Variants in SDHAF4 observed in about 807,000 individuals in gnomAD.
SDHAF4 encodes the protein succinate dehydrogenase complex assembly factor 4, also known as succinate dehydrogenase assembly factor 4, mitochondrial.
A neutral mutation model predicts 14.3 loss-of-function variants in SDHAF4; 14 were observed. The ratio of observed to expected loss-of-function variants is 0.98; its 90% CI spans 0.65 to 1.53. SDHAF4 has a LOEUF of 1.53. Among genes scored for constraint, SDHAF4 ranks in the 40% most tolerant of loss-of-function variants. The pLI, the probability that SDHAF4 is intolerant of heterozygous loss-of-function variation, is 0.00. For missense variants in SDHAF4, 141 were observed against 129.3 expected, an observed-to-expected ratio of 1.09 and a Z score of -0.44; for synonymous variants, 63 against 47.3, an observed-to-expected ratio of 1.33 and a Z score of -1.36.
the SDHAF4 span, chr6:70,596,680 T>C: frequency 2.0e-5 from 3 of 152,220 alleles, no homozygotes; most frequent in Non-Finnish European, 4.4e-5. Context: ...ATGTTGATCT[T>C]TTATGTACAA....
At chr6:70,575,901 G>C (rs1318855726) in intron 1 of SDHAF4, among the ~76,000 whole-genome samples, 2 of 151,874 alleles carry the variant, frequency 1.3e-5, no homozygotes, top group Non-Finnish European at 2.9e-5. Context: ...GTTAAAAGAG[G>C]CTTTTGTTTT....
intron 2 of SDHAF4, among the ~76,000 whole-genome samples, chr6:70,587,166 C>T (rs1476345646): frequency 1.3e-5 from 1 of 74,972 alleles, no homozygotes; most frequent in South Asian, 3.2e-4. Context: ...AGTGAAACTC[C>T]ATCACACACA....
At chr6:70,573,086 C>A (rs1305789171) in intron 1 of SDHAF4, among the ~76,000 whole-genome samples, 4 of 151,984 alleles carry the variant, frequency 2.6e-5, no homozygotes, top group Non-Finnish European at 4.4e-5. Context: ...GCCATACTCC[C>A]GCCTCAGCCT....
chr6:70,575,902 CTTTTG>C (rs1342342848), intron 1 of SDHAF4, among the ~76,000 whole-genome samples: 1 of 151,836 alleles, frequency 6.6e-6, no homozygotes, highest in Non-Finnish European at 1.5e-5. Context: ...TTAAAAGAGG[CTTTTG>C]TTTTAAGTTT....
intron 1 of SDHAF4, among the ~76,000 whole-genome samples, chr6:70,577,209 CT>C (rs1379141018): frequency 6.6e-6 from 1 of 152,152 alleles, no homozygotes; most frequent in Non-Finnish European, 1.5e-5. Flanking sequence ...TTAAGGTCAT[CT>C]GATTAGCCAC....
chr6:70,568,142 T>TAAA (rs1464901778), intron 1 of SDHAF4, among the ~76,000 whole-genome samples: 5 of 152,212 alleles, frequency 3.3e-5, no homozygotes, highest in Admixed American at 2.0e-4. Context: ...GTATAAGTTT[T>TAAA]AAATAGTCCA....
chr6:70,592,306 G>C (rs544602829), downstream of SDHAF4, among the ~76,000 whole-genome samples: 9 of 152,324 alleles, frequency 5.9e-5, no homozygotes, highest in African/African-American at 2.2e-4. Context: ...GAGTTTGGAG[G>C]AGCAGGGTGG....
At chr6:70,575,434 C>T (rs1403756778) in intron 1 of SDHAF4, among the ~76,000 whole-genome samples, 1 of 143,022 alleles carries the variant, frequency 7.0e-6, no homozygotes, top group Non-Finnish European at 1.5e-5. Context: ...ACTGAAAATA[C>T]AAAAACTTAG....
At chr6:70,596,795 T>TA in the SDHAF4 span, 1 of 152,194 alleles carries the variant, frequency 6.6e-6, no homozygotes, top group Admixed American at 6.5e-5. Context: ...ATATATATAT[T>TA]ACCTATTATT....
intron 2 of SDHAF4, among the ~76,000 whole-genome samples, chr6:70,582,827 G>T (rs2691497): frequency 0.11 from 16,540 of 152,112 alleles, 3,018 homozygotes; most frequent in African/African-American, 0.37. Context: ...CTGCTTCCTC[G>T]TTTCCTTCCT....
At chr6:70,573,016 C>T (rs190366145) in intron 1 of SDHAF4, among the ~76,000 whole-genome samples, 166 of 152,124 alleles carry the variant, frequency 1.1e-3, no homozygotes, top group African/African-American at 3.9e-3. Flanking sequence ...TGTCCTGTCA[C>T]CAGGATAGAG....
chr6:70,595,431 A>G, the SDHAF4 span, among the ~76,000 whole-genome samples: 1 of 152,210 alleles, frequency 6.6e-6, no homozygotes. Context: ...TTTGGTCCTT[A>G]TATCAGTTTT....
chr6:70,597,903 A>G, the SDHAF4 span, among the ~76,000 whole-genome samples: 44 of 152,194 alleles, frequency 2.9e-4, no homozygotes, highest in Non-Finnish European at 6.0e-4. Flanking sequence ...GGTGGCCACA[A>G]CCTCTGGAAC....
At chr6:70,581,758 C>T (rs960600151) in intron 2 of SDHAF4, among the ~76,000 whole-genome samples, 1 of 152,152 alleles carries the variant, frequency 6.6e-6, no homozygotes, top group Non-Finnish European at 1.5e-5. Context: ...CAGGCACATA[C>T]CACCATGCTC....
At chr6:70,590,502 A>G (rs1376249067), downstream of SDHAF4, among the ~76,000 whole-genome samples, 4 of 152,238 alleles carry the variant, frequency 2.6e-5, no homozygotes, top group Non-Finnish European at 5.9e-5. Context: ...GTTAATGAGC[A>G]TATAATGAGG....
rs1253608361 is a variant in SDHAF4 at position 70,566,970 on chromosome 6, T to A, written c.30T>A (p.Leu10=). The change falls in exon 1 of 3, where the codon CTT becomes CTA. Residue 10 remains leucine, a synonymous_variant. Coordinates refer to ENST00000370474, the MANE Select transcript of SDHAF4 (RefSeq NM_145267.3). Reference sequence around the variant, plus strand: ...CCCCATCGAGGCTTCCCTGGTTGCTTAGCTGGGTCTCGGCCACGGCGTGGA... The same window carrying A: ...CCCCATCGAGGCTTCCCTGGTTGCTAAGCTGGGTCTCGGCCACGGCGTGGA... MTPSRLPWL[L]SWVSATAWRA... The A allele has an allele frequency of 6.3e-7, 1 of 1,592,870 alleles. No homozygotes were observed. The highest frequency in any genetic ancestry group is 8.5e-7 in the Non-Finnish European group (1 of 1,170,054).
At chr6:70,567,066 G>A in intron 1 of SDHAF4, 62 bp downstream of exon 1, 1 of 1,468,378 alleles carries the variant, frequency 6.8e-7, no homozygotes, top group Non-Finnish European at 9.3e-7. Flanking sequence ...GGCGCAGAGA[G>A]AAGCGCCTCC....
downstream of SDHAF4, among the ~76,000 whole-genome samples, chr6:70,592,988 G>T (rs933592042): frequency 2.0e-5 from 3 of 152,192 alleles, no homozygotes; most frequent in African/African-American, 7.2e-5. Context: ...TGGCAGAATG[G>T]TTTAAAGGGA....
intron 2 of SDHAF4, among the ~76,000 whole-genome samples, chr6:70,582,958 A>G (rs760685092): frequency 6.6e-6 from 1 of 152,138 alleles, no homozygotes; most frequent in African/African-American, 2.4e-5. Flanking sequence ...GTAGCTAGGC[A>G]CCCTGCTTGA....
Sources: gnomAD v4.1 joint callset for allele counts (sites outside exome capture counted in the v4.1 genomes callset) on GRCh38, gnomAD v4.1.1 for gene constraint, MANE v1.5 for transcripts, NCBI Gene and HGNC (gene_info 2026-07-23, HGNC 2026-07-21) for gene names.